The following CEMIP variants were observed in gnomAD, a reference collection of about 807,000 sequenced individuals.
CEMIP encodes cell migration-inducing and hyaluronan-binding protein.
A neutral mutation model predicts 156.9 loss-of-function variants in CEMIP; 105 were observed. That is an observed-to-expected ratio of 0.67 (90% CI 0.57 to 0.79). The LOEUF (loss-of-function observed/expected upper bound fraction) is 0.79. CEMIP is among the 30% of genes least tolerant of loss of function. The pLI is 0.00. For synonymous variants in CEMIP, 676 were observed against 668.4 expected (o/e 1.01, Z -0.17); for missense variants, 1,457 against 1,769.4 (o/e 0.82, Z 3.17).
At position 80,932,172 on chromosome 15, in the gene CEMIP, C is replaced by A; in HGVS notation, c.2793+133C>A. ...AGAAGCCTCCTCCAACTAGGCTGGG[C>A]CATGTCCCAGTTTGCTCTTCATCCA... On this transcript the variant is annotated intron_variant, in intron 22 of 29. Coordinates refer to ENST00000394685, the MANE Select transcript of CEMIP (RefSeq NM_001293298.2). The surrounding 1 kb of genome is among the most constrained non-coding windows in gnomAD (Gnocchi z 4.5). The A allele has an allele frequency of 1.9e-6, 2 of 1,031,332 alleles. No homozygotes were observed. Among genetic ancestry groups the A allele is most frequent in the Admixed American group, 1.9e-5 (1 of 52,226 alleles). 63.9% of individuals were successfully genotyped at this position (1,031,332 alleles called of 1,614,324 possible).
intron 1 of CEMIP, among the ~76,000 whole-genome samples, chr15:80,845,532 G>C (rs546916032): frequency 1.3e-5 from 2 of 152,190 alleles, no homozygotes; most frequent in African/African-American, 4.8e-5. Flanking sequence ...TGTCAGTGGA[G>C]CCTATTTGAG....
intron 28 of CEMIP, among the ~76,000 whole-genome samples, chr15:80,943,582 C>G (rs1901426045): frequency 1.3e-5 from 2 of 152,258 alleles, no homozygotes; most frequent in South Asian, 4.1e-4. Context: ...CATCCTACTT[C>G]TTCAGTTTTG....
chr15:80,851,331 C>T (rs186791001), intron 1 of CEMIP, among the ~76,000 whole-genome samples: 20 of 152,260 alleles, frequency 1.3e-4, no homozygotes, highest in African/African-American at 3.6e-4. Flanking sequence ...TTAGAGTTAA[C>T]GTGAGTCATT....
intron 6 of CEMIP, 137 bp downstream of exon 6, chr15:80,881,273 A>G: frequency 1.2e-6 from 1 of 811,266 alleles, no homozygotes; most frequent in Non-Finnish European, 2.2e-6. Context: ...GCCTTCAAGG[A>G]GTTCTGTCCT....
At chr15:80,887,273 A>C (rs1238278719) in intron 7 of CEMIP, among the ~76,000 whole-genome samples, 1 of 152,198 alleles carries the variant, frequency 6.6e-6, no homozygotes, top group Non-Finnish European at 1.5e-5. Flanking sequence ...CCTCGAGCTC[A>C]ACTCTAGGGG....
At chr15:80,841,037 A>C (rs1897400466) in intron 1 of CEMIP, among the ~76,000 whole-genome samples, 1 of 152,106 alleles carries the variant, frequency 6.6e-6, no homozygotes, top group Non-Finnish European at 1.5e-5. Context: ...GGACAGCTTG[A>C]GCGTCCCCTC....
At position 80,909,078 on chromosome 15, in the gene CEMIP, C is replaced by G; in HGVS notation, c.1588-19C>G. The G allele has an allele frequency of 6.2e-7, 1 of 1,612,586 alleles. No homozygotes were observed. Among genetic ancestry groups the G allele is most frequent in the South Asian group, 1.1e-5 (1 of 90,962 alleles). ...AAGCATCTCATGGGCTCCTCTGACT[C>G]TCGGTTCTCCTCTCCTAGTTTGCTC... On this transcript the variant is annotated intron_variant, in intron 13 of 29. Coordinates refer to ENST00000394685, the MANE Select transcript of CEMIP (RefSeq NM_001293298.2).
chr15:80,894,300 G>T (rs1462940004), intron 10 of CEMIP, among the ~76,000 whole-genome samples: 2 of 152,190 alleles, frequency 1.3e-5, no homozygotes, highest in Non-Finnish European at 1.5e-5. Context: ...TCAAGTTTTA[G>T]CTCTGCCACC....
intron 3 of CEMIP, among the ~76,000 whole-genome samples, chr15:80,875,648 G>A (rs116661493): frequency 0.01 from 1,532 of 152,320 alleles, 25 homozygotes; most frequent in African/African-American, 0.034. Context: ...TCAGAGGGAT[G>A]TAGAAGCCAA....
chr15:80,811,443 G>C (rs149089055), intron 1 of CEMIP, among the ~76,000 whole-genome samples: 7 of 152,328 alleles, frequency 4.6e-5, no homozygotes, highest in Non-Finnish European at 8.8e-5. Flanking sequence ...CTCTCTTCTG[G>C]ACATGGTCAA....
chr15:80,889,900 G>A lies in CEMIP; in HGVS notation c.1086+308G>A, dbSNP rs138552703. On this transcript the variant is annotated intron_variant, in intron 10 of 29. Coordinates refer to ENST00000394685, the MANE Select transcript of CEMIP (RefSeq NM_001293298.2). ...TTGGACTCCCCAGCCTCACTTCCCC[G>A]TCAATTTCCTTAGGGACCTTGAGTG... Among the ~76,000 whole-genome samples, 938 of 152,270 alleles carry A rather than the reference G, an allele frequency of 6.2e-3. 8 individuals carry two copies. The highest frequency in any genetic ancestry group is 0.037 in the South Asian group (178 of 4,814).
At chr15:80,854,906 C>T (rs1897811187) in intron 1 of CEMIP, among the ~76,000 whole-genome samples, 1 of 152,172 alleles carries the variant, frequency 6.6e-6, no homozygotes, top group South Asian at 2.1e-4. Flanking sequence ...ATGCAGGGGT[C>T]AAACTATGTC....
At chr15:80,845,509 G>A (rs564262904) in intron 1 of CEMIP, among the ~76,000 whole-genome samples, 31 of 152,324 alleles carry the variant, frequency 2.0e-4, no homozygotes, top group African/African-American at 7.2e-4. Context: ...TATGAACATG[G>A]CACTAAAAAA....
chr15:80,942,437 G>A, intron 27 of CEMIP, 100 bp downstream of exon 27: 1 of 1,025,276 alleles, frequency 9.8e-7, no homozygotes, highest in Non-Finnish European at 1.5e-6. Context: ...TGGGAGCAAG[G>A]TGTTGGCAGG....
At chr15:80,925,401 A>G (rs1900620401) in intron 18 of CEMIP, among the ~76,000 whole-genome samples, 1 of 152,232 alleles carries the variant, frequency 6.6e-6, no homozygotes, top group Non-Finnish European at 1.5e-5. Context: ...CAGGTTCTTC[A>G]GTATGTGAGG....
At chr15:80,840,173 C>T (rs779283772) in intron 1 of CEMIP, among the ~76,000 whole-genome samples, 6 of 152,116 alleles carry the variant, frequency 3.9e-5, no homozygotes, top group African/African-American at 9.7e-5. Flanking sequence ...CAGAAGACCC[C>T]GGGGGATCAG....
chr15:80,838,266 G>A (rs1897310187), intron 1 of CEMIP, among the ~76,000 whole-genome samples: 1 of 152,152 alleles, frequency 6.6e-6, no homozygotes, highest in Non-Finnish European at 1.5e-5. Context: ...TTGCAGGTGA[G>A]CCCAGCCTGT....
rs147223419 is a variant in CEMIP, at chr15:80,789,422, G to T, written c.-176+9808G>T. 3.5e-4 allele frequency among the ~76,000 whole-genome samples: 53 copies of T among 152,308 alleles called. No individual in the cohort carries two copies. In the East Asian group the frequency reaches 9.8e-3, roughly 28 times the overall value. On this transcript the variant is annotated intron_variant, in intron 1 of 29. Coordinates refer to ENST00000394685, the MANE Select transcript of CEMIP (RefSeq NM_001293298.2). Reference sequence around the variant, plus strand: ...TAGAATGTTTTGCAAATTCTGCTGGGCTGATGTGTCACTAGTCTGTGACTG... The same window carrying T: ...TAGAATGTTTTGCAAATTCTGCTGGTCTGATGTGTCACTAGTCTGTGACTG...
At chr15:80,839,407 G>C (rs1487994003) in intron 1 of CEMIP, among the ~76,000 whole-genome samples, 1 of 152,096 alleles carries the variant, frequency 6.6e-6, no homozygotes, top group East Asian at 1.9e-4. Flanking sequence ...GTCCCAAGTG[G>C]GGGAGGGAGA....
Sources: gnomAD v4.1 joint callset for allele counts (sites outside exome capture counted in the v4.1 genomes callset) on GRCh38, gnomAD v4.1.1 for gene constraint, Gnocchi (gnomAD v3.1) non-coding constraint, MANE v1.5 for transcripts, NCBI Gene and HGNC (gene_info 2026-07-23, HGNC 2026-07-21) for gene names.